The following SAMHD1 variants were observed in gnomAD, a reference collection of about 807,000 sequenced individuals.
SAMHD1 encodes deoxynucleoside triphosphate triphosphohydrolase SAMHD1.
In SAMHD1, 54 loss-of-function variants were observed where a neutral mutation model predicts 79.6. That is an observed-to-expected ratio of 0.68 (90% CI 0.55 to 0.85). The LOEUF (loss-of-function observed/expected upper bound fraction) is 0.85. SAMHD1 is among the 40% of genes least tolerant of loss of function. The probability of loss-of-function intolerance (pLI) is 0.00; values close to 1 mark genes in which losing one functional copy is unlikely to be tolerated. For missense variants in SAMHD1, 663 were observed against 782.7 expected (o/e 0.85, Z 1.82); for synonymous variants, 260 against 264.1 (o/e 0.98, Z 0.15).
At chr20:36,894,407 A>AT (rs370870174) in intron 15 of SAMHD1, among the ~76,000 whole-genome samples, 144 of 151,814 alleles carry the variant, frequency 9.5e-4, no homozygotes, top group African/African-American at 3.3e-3. Flanking sequence ...TAATTTTTGT[A>AT]TTTTTAGTAG....
chr20:36,940,626 G>C (rs1054129074), intron 3 of SAMHD1: 2 of 248,394 alleles, frequency 8.1e-6, no homozygotes, highest in Admixed American at 5.2e-5. Context: ...TTGAGCCAGG[G>C]AGACGGAGGT....
intron 2 of SAMHD1, among the ~76,000 whole-genome samples, chr20:36,943,121 G>GA (rs2063659266): frequency 6.6e-6 from 1 of 152,122 alleles, no homozygotes; most frequent in African/African-American, 2.4e-5. Context: ...AGGGATTGGG[G>GA]GGTCTAGGGA....
rs1057519178 is a variant in SAMHD1, at chr20:36,951,616, AG to A, written c.27del (p.Ser10ProfsTer56). 6.2e-7 allele frequency: 1 copy of A among 1,613,982 alleles called. No homozygotes were observed. Among genetic ancestry groups the A allele is most frequent in the Non-Finnish European group, 8.5e-7 (1 of 1,179,976 alleles). On this transcript the variant is annotated frameshift_variant, in exon 1 of 16. Transcript: ENST00000646673. LOFTEE classifies it high-confidence loss of function. ...CTGTCATCGCAACGGGGACGCTTGG[AG>A]GGCTGCTCGGAATCGGCTCGCTGCA... MQRADSEQ[P>X]SKRPRCDDSP...
chr20:36,896,281 G>A (rs1256929751), intron 15 of SAMHD1, among the ~76,000 whole-genome samples: 1 of 151,750 alleles, frequency 6.6e-6, no homozygotes, highest in Non-Finnish European at 1.5e-5. Flanking sequence ...CCTATCCATG[G>A]ATTTTTCTAT....
rs191405466 is a variant in SAMHD1 at position 36,947,237 on chromosome 20, A to G, written c.209-433T>C. On this transcript the variant is annotated intron_variant, in intron 1 of 15. Transcript: ENST00000646673. ...TTAGAATTAACAAGTTAAAACCGTG[A>G]ATTCAAGAGTGCTTAAAGTGTTGAT... 1.9e-3 allele frequency among the ~76,000 whole-genome samples: 284 copies of G among 152,130 alleles called. 1 individual carries two copies. The highest frequency in any genetic ancestry group is 6.4e-3 in the African/African-American group (264 of 41,478).
chr20:36,897,636 A>G (rs1990221228), intron 15 of SAMHD1, 186 bp downstream of exon 15: 2 of 671,212 alleles, frequency 3.0e-6, no homozygotes, highest in Non-Finnish European at 5.2e-6. Flanking sequence ...CAACTCCTGT[A>G]GGAAGAAATC....
chr20:36,936,362 T>G (rs1368419448), intron 3 of SAMHD1, among the ~76,000 whole-genome samples: 1 of 152,150 alleles, frequency 6.6e-6, no homozygotes, highest in Admixed American at 6.6e-5. Context: ...CAGGCTGCAG[T>G]GCGTTGGCTA....
rs2063689410 is a variant in SAMHD1, at chr20:36,946,795, AT to A, written c.217del (p.Ile73SerfsTer19). The A allele has an allele frequency of 6.2e-7, 1 of 1,612,184 alleles. No homozygotes were observed. Among genetic ancestry groups the A allele is most frequent in the Non-Finnish European group, 8.5e-7 (1 of 1,178,756 alleles). ...AAGACAAGGCAGTAATGCGCCTGTG[AT>A]TTCATTTTCTATGGAAGAAAAAAGA... is the stretch of plus-strand genomic sequence containing the variant. Reference protein sequence around the residue: ...VLLKNIRENEITGALLPCLDE... With the variant: ...VLLKNIRENEXTGALLPCLDE... On this transcript the variant is annotated frameshift_variant, in exon 2 of 16. Transcript: ENST00000646673. LOFTEE classifies it high-confidence loss of function.
chr20:36,893,190 A>G, intron 15 of SAMHD1, 124 bp from the exon 16 acceptor site: 1 of 1,209,062 alleles, frequency 8.3e-7, no homozygotes, highest in Non-Finnish European at 1.2e-6. Flanking sequence ...AGCTGTCCTC[A>G]ATCCAGGGAA....
chr20:36,890,251 AG>A lies in SAMHD1; in HGVS notation c.*2680del, dbSNP rs1246136263. 10 of 152,202 alleles carry A rather than the reference AG, an allele frequency of 6.6e-5. No individual in the cohort carries two copies. Among genetic ancestry groups the A allele is most frequent in the Non-Finnish European group, 1.5e-4 (10 of 68,048 alleles). The allele number at this position is 152,202 out of a possible 1,614,324, so 9.4% of individuals were successfully genotyped here. ...ATATATATTCACGAAGCTTTATTGC[AG>A]CTGTTTCCCTTACCCAGTTGAAGTG... is the stretch of plus-strand genomic sequence containing the variant. On this transcript the variant is annotated 3_prime_UTR_variant, in exon 16 of 16. Transcript: ENST00000646673.
chr20:36,942,459 A>G (rs1399521215), intron 2 of SAMHD1, among the ~76,000 whole-genome samples: 3 of 152,162 alleles, frequency 2.0e-5, no homozygotes, highest in Non-Finnish European at 4.4e-5. Context: ...TGATTAGAGT[A>G]TATAAAACCA....
chr20:36,898,479 CT>C lies in SAMHD1; in HGVS notation c.1568del (p.Lys523ArgfsTer27). 6.2e-7 allele frequency: 1 copy of C among 1,613,998 alleles called. No individual in the cohort carries two copies. The highest frequency in any genetic ancestry group is 8.5e-7 in the Non-Finnish European group (1 of 1,179,958). ...NPIDHVSFYC[K>X]TAPNRAIRIT... The stretch of plus-strand genomic sequence containing the variant: ...TCCTGATTGCTCTGTTGGGGGCAGT[CT>C]TACAATAGAAGCTAACATGATCAAT... On this transcript the variant is annotated frameshift_variant, in exon 14 of 16. Transcript: ENST00000646673. LOFTEE classifies it high-confidence loss of function.
rs772419521 is a variant in SAMHD1 at position 36,905,445 on chromosome 20, C to T, written c.1329G>A (p.Glu443=). The change falls in exon 12 of 16, where the codon GAG becomes GAA. Residue 443 remains glutamate (E), a synonymous_variant. Coordinates refer to ENST00000646673, the MANE Select transcript of SAMHD1 (RefSeq NM_015474.4). ...TACGGTATTCAATTTGTTTTAAAAT[C>T]TCTCGTGCGTCTTTCAATTTGGGAT... The part of the protein sequence containing the change: ...STDPKLKDAR[E]ILKQIEYRNL... 2.5e-6 allele frequency: 4 copies of T among 1,613,744 alleles called. No individual in the cohort carries two copies. Among genetic ancestry groups the T allele is most frequent in the Non-Finnish European group, 2.5e-6 (3 of 1,179,708 alleles).
chr20:36,919,945 C>G (rs1034140633), intron 6 of SAMHD1, among the ~76,000 whole-genome samples: 1 of 152,100 alleles, frequency 6.6e-6, no homozygotes, highest in African/African-American at 2.4e-5. Flanking sequence ...CCAGTAAAAA[C>G]AAAGATCTCC....
chr20:36,949,890 C>T (rs986341712), intron 1 of SAMHD1, among the ~76,000 whole-genome samples: 1 of 151,808 alleles, frequency 6.6e-6, no homozygotes, highest in Non-Finnish European at 1.5e-5. Context: ...AGCAGTGTAG[C>T]CCAACAGGAC....
At chr20:36,947,850 T>C (rs554586994) in intron 1 of SAMHD1, among the ~76,000 whole-genome samples, 20 of 151,992 alleles carry the variant, frequency 1.3e-4, no homozygotes, top group Non-Finnish European at 1.3e-4. Flanking sequence ...ATTTTTATTT[T>C]TTGTAAAGTT....
chr20:36,913,294 G>GA (rs1568767811), intron 9 of SAMHD1, among the ~76,000 whole-genome samples: 1 of 150,806 alleles, frequency 6.6e-6, no homozygotes, highest in Non-Finnish European at 1.5e-5. Context: ...ACTGTGCCCG[G>GA]CCAAGAACTT....
At chr20:36,907,391 A>G (rs1181130696) in intron 11 of SAMHD1, among the ~76,000 whole-genome samples, 1 of 151,822 alleles carries the variant, frequency 6.6e-6, no homozygotes, top group African/African-American at 2.4e-5. Context: ...CTCCTGAGTA[A>G]CTGGGACTAT....
chr20:36,946,069 G>C (rs940268728), intron 2 of SAMHD1, among the ~76,000 whole-genome samples: 3 of 151,830 alleles, frequency 2.0e-5, no homozygotes, highest in Non-Finnish European at 4.4e-5. Flanking sequence ...GATCACTTGA[G>C]GCCAAGAGTT....
Sources: gnomAD v4.1 joint callset for allele counts (sites outside exome capture counted in the v4.1 genomes callset) on GRCh38, gnomAD v4.1.1 for gene constraint, MANE v1.5 for transcripts, NCBI Gene and HGNC (gene_info 2026-07-23, HGNC 2026-07-21) for gene names.